The following KCNG3 variants were observed in gnomAD, a reference collection of about 807,000 sequenced individuals.
The protein encoded by KCNG3 is potassium voltage-gated channel modifier subfamily G member 3.
In KCNG3, 15 loss-of-function variants were observed where a neutral mutation model predicts 29.0. The ratio of observed to expected loss-of-function variants is 0.52; its 90% CI spans 0.35 to 0.80. KCNG3 has a LOEUF of 0.80. Among genes scored for constraint, KCNG3 ranks in the 30% least tolerant of loss-of-function variants. The probability of loss-of-function intolerance (pLI) is 0.01; values close to 1 mark genes in which losing one functional copy is unlikely to be tolerated. For synonymous variants in KCNG3, 322 were observed against 248.9 expected, an observed-to-expected ratio of 1.29 and a Z score of -2.76; for missense variants, 512 against 605.7, an observed-to-expected ratio of 0.85 and a Z score of 1.62.
In KCNG3 at chr2:42,493,375, A is replaced by G; in HGVS notation, c.127T>C (p.Ser43Pro). 6.4e-7 allele frequency: 1 copy of G among 1,555,330 alleles called. No homozygotes were observed. Among genetic ancestry groups the G allele is most frequent in the Non-Finnish European group, 8.7e-7 (1 of 1,150,890 alleles). The change falls in exon 1 of 2, where the codon TCC (serine) becomes CCC (proline). Residue 43 changes from serine (S) to proline (P), a missense_variant. Ser to Pro is a moderately conservative substitution (Grantham distance 74, BLOSUM62 -1). Around this residue, in one of 5 missense-constraint regions of KCNG3, gnomAD observed 91 missense variants for 91.1 expected, o/e 1.00. Transcript: ENST00000306078. The stretch of plus-strand genomic sequence containing the variant: ...CACACCTCGAGCACGTCGCGCTCGG[A>G]GCGGCAGCCGTGCAGCCGGCTCACG... ...RRVSRLHGCRSERDVLEVCDD... is the reference protein window; with the variant it reads ...RRVSRLHGCRPERDVLEVCDD...
At chr2:42,389,779 G>C in the KCNG3 span, among the ~76,000 whole-genome samples, 1 of 152,114 alleles carries the variant, frequency 6.6e-6, no homozygotes, top group South Asian at 2.1e-4. Context: ...TTCTTTTACT[G>C]TTCCAGTATC....
the KCNG3 span, among the ~76,000 whole-genome samples, chr2:42,393,104 T>C: frequency 6.6e-6 from 1 of 151,990 alleles, no homozygotes; most frequent in Non-Finnish European, 1.5e-5. Flanking sequence ...ATCTGTAAAA[T>C]AGGGATAATA....
At chr2:42,434,848 C>A in the KCNG3 span, among the ~76,000 whole-genome samples, 1 of 151,980 alleles carries the variant, frequency 6.6e-6, no homozygotes, top group Non-Finnish European at 1.5e-5. Context: ...GTCAAAAGTG[C>A]CAATACCATT....
Position 42,444,446 on chromosome 2 carries a change from T to C in KCNG3, c.799A>G (p.Ile267Val), listed in dbSNP as rs948102786. 9 of 1,614,034 alleles carry C rather than the reference T, an allele frequency of 5.6e-6. No individual in the cohort carries two copies. The African/African-American group carries it at 9.3e-5, about 17-fold the overall frequency. ...GTAAACACTGTCATCAACACAGAGA[T>C]GTAATACGGCGTGATTGCCAGTAAA... ...IDLLAITPYY[I>V]SVLMTVFTGE... The change falls in exon 2 of 2, where the codon ATC becomes GTC. Residue 267 changes from isoleucine to valine, a missense_variant. Physicochemically the swap from Ile to Val is conservative, Grantham distance 29. Coordinates refer to ENST00000306078, the MANE Select transcript of KCNG3 (RefSeq NM_133329.6). This position sits in a 1 kb window ranked among gnomAD's most constrained non-coding sequence, Gnocchi z 5.8.
chr2:42,396,857 G>C, the KCNG3 span, among the ~76,000 whole-genome samples: 1,270 of 152,272 alleles, frequency 8.3e-3, 14 homozygotes, highest in African/African-American at 0.029. Context: ...GTCACTCGTT[G>C]GGGCATGATT....
At chr2:42,389,891 G>T in the KCNG3 span, among the ~76,000 whole-genome samples, 2 of 152,194 alleles carry the variant, frequency 1.3e-5, no homozygotes, top group Admixed American at 1.3e-4. Context: ...CTTGCTGTCT[G>T]TGATGCTAAC....
intron 1 of KCNG3, chr2:42,470,332 A>T (rs1045844029): frequency 7.4e-6 from 2 of 271,218 alleles, no homozygotes; most frequent in Non-Finnish European, 1.5e-5. Flanking sequence ...AGATTCTATA[A>T]GCCCCAAAAC....
At chr2:42,451,832 C>G (rs1433181858) in intron 1 of KCNG3, among the ~76,000 whole-genome samples, 3 of 151,604 alleles carry the variant, frequency 2.0e-5, no homozygotes, top group African/African-American at 7.3e-5. Context: ...CCCAGGAGTT[C>G]AAGGCTGCAG....
intron 1 of KCNG3, among the ~76,000 whole-genome samples, chr2:42,490,413 T>C (rs916637406): frequency 6.6e-6 from 1 of 152,042 alleles, no homozygotes; most frequent in Non-Finnish European, 1.5e-5. Flanking sequence ...CCATCTCTAC[T>C]AAAAATGCAA....
chr2:42,410,571 G>A, the KCNG3 span, among the ~76,000 whole-genome samples: 2 of 152,040 alleles, frequency 1.3e-5, no homozygotes, highest in African/African-American at 4.8e-5. Context: ...CATGCAAGTA[G>A]GGGACTTTAT....
chr2:42,389,699 T>C, the KCNG3 span, among the ~76,000 whole-genome samples: 1 of 152,208 alleles, frequency 6.6e-6, no homozygotes, highest in Non-Finnish European at 1.5e-5. Flanking sequence ...ACTAAGAAAT[T>C]TAAATTGGTA....
At chr2:42,482,595 G>A (rs1673616539) in intron 1 of KCNG3, among the ~76,000 whole-genome samples, 1 of 152,096 alleles carries the variant, frequency 6.6e-6, no homozygotes, top group Non-Finnish European at 1.5e-5. Flanking sequence ...TGGGCATGGT[G>A]GCACACCCCT....
At position 42,493,758 on chromosome 2, in the gene KCNG3, C is replaced by T. The variant is rs1317599704; in HGVS notation, c.-257G>A. The T allele has an allele frequency of 3.2e-6, 1 of 314,500 alleles. No homozygotes were observed. 19.5% of individuals were successfully genotyped at this position (314,500 alleles called of 1,614,324 possible). ...AGTCCTCGCCGGCGCCAGCGCTGAG[C>T]CCCACCGGCTGGGAACGCGGCTGTG... On this transcript the variant is annotated 5_prime_UTR_variant, in exon 1 of 2. Transcript: ENST00000306078.
At chr2:42,463,546 C>T (rs536993870) in intron 1 of KCNG3, 22 of 170,282 alleles carry the variant, frequency 1.3e-4, no homozygotes, top group Middle Eastern at 2.6e-3. Context: ...AAAATTCATC[C>T]GGTAGCCATC....
rs770454353 is a variant in KCNG3, at chr2:42,444,030, G to A, written c.1215C>T (p.Ile405=). The A allele has an allele frequency of 1.9e-6, 3 of 1,614,166 alleles. No individual in the cohort carries two copies. Among genetic ancestry groups the A allele is most frequent in the Non-Finnish European group, 2.5e-6 (3 of 1,180,000 alleles). ...VSGIVLLALP[I]TFIYHSFVQC... is the part of the protein sequence containing the mutation. ...GCACAAAGCTATGGTAGATAAAAGTGATAGGTAATGCCAATAGAACAATTC... is the reference window on the plus strand; with the variant it reads ...GCACAAAGCTATGGTAGATAAAAGTAATAGGTAATGCCAATAGAACAATTC... The change falls in exon 2 of 2, where the codon ATC becomes ATT. Residue 405 remains isoleucine (I), a synonymous_variant. Coordinates refer to ENST00000306078, the MANE Select transcript of KCNG3 (RefSeq NM_133329.6). This position sits in a 1 kb window ranked among gnomAD's most constrained non-coding sequence, Gnocchi z 5.8.
chr2:42,452,376 T>C (rs1397651129), intron 1 of KCNG3, among the ~76,000 whole-genome samples: 1 of 151,666 alleles, frequency 6.6e-6, no homozygotes, highest in East Asian at 1.9e-4. Flanking sequence ...ACAATCCAAT[T>C]ATACTTTTTT....
the KCNG3 span, among the ~76,000 whole-genome samples, chr2:42,399,813 A>C: frequency 6.6e-6 from 1 of 151,910 alleles, no homozygotes; most frequent in South Asian, 2.1e-4. Flanking sequence ...CTATGACACT[A>C]CTCAGGAAGC....
chr2:42,436,386 A>C, the KCNG3 span, among the ~76,000 whole-genome samples: 755 of 152,326 alleles, frequency 5.0e-3, 5 homozygotes, highest in African/African-American at 0.017. Context: ...CATACGAATT[A>C]TGTCTCATCT....
intron 1 of KCNG3, among the ~76,000 whole-genome samples, chr2:42,484,082 C>T (rs978172667): frequency 6.6e-6 from 1 of 152,154 alleles, no homozygotes; most frequent in African/African-American, 2.4e-5. Flanking sequence ...CTGCTCCTGG[C>T]ATGAAAAGAG....
Sources: allele counts gnomAD v4.1 joint callset (sites outside exome capture counted in the v4.1 genomes callset), GRCh38; gene constraint gnomAD v4.1.1; regional missense constraint gnomAD v4.1.1; non-coding constraint Gnocchi (gnomAD v3.1); transcripts MANE v1.5; gene names NCBI Gene and HGNC (gene_info 2026-07-23, HGNC 2026-07-21).